CLVS1: variants seen among roughly 807,000 people sequenced by gnomAD.
The protein encoded by CLVS1 is clavesin-1.
In CLVS1, 10 loss-of-function variants were observed where a neutral mutation model predicts 33.1. The observed-to-expected ratio is 0.30, with a 90% CI of 0.19 to 0.51. The LOEUF (loss-of-function observed/expected upper bound fraction) is 0.51. Ranked by LOEUF, CLVS1 falls within the 20% of genes least tolerant of loss-of-function variation. The probability of loss-of-function intolerance (pLI) is 0.97; values close to 1 mark genes in which losing one functional copy is unlikely to be tolerated. For missense variants in CLVS1, 343 were observed against 433.4 expected, an observed-to-expected ratio of 0.79 and a Z score of 1.85; for synonymous variants, 163 against 166.1, an observed-to-expected ratio of 0.98 and a Z score of 0.14.
chr8:61,335,094 C>T (rs745497262), intron 2 of CLVS1, among the ~76,000 whole-genome samples: 8 of 152,122 alleles, frequency 5.3e-5, no homozygotes, highest in Non-Finnish European at 1.2e-4. Context: ...ATCAAGTGAG[C>T]CAGTTTATTG....
chr8:61,306,032 A>C (rs1198181781), intron 2 of CLVS1, among the ~76,000 whole-genome samples: 1 of 152,150 alleles, frequency 6.6e-6, no homozygotes, highest in South Asian at 2.1e-4. Context: ...AGAATGATTT[A>C]TATTCCTTCG....
intron 1 of CLVS1, among the ~76,000 whole-genome samples, chr8:61,089,739 C>T (rs968289018): frequency 6.6e-6 from 1 of 151,846 alleles, no homozygotes; most frequent in Non-Finnish European, 1.5e-5. Context: ...GGCAACATAG[C>T]AAGACTCTTA....
chr8:61,489,393 G>T lies in CLVS1; in HGVS notation c.978-10062G>T, dbSNP rs904341660. Among the ~76,000 whole-genome samples the T allele has an allele frequency of 3.3e-5, 5 of 152,122 alleles. No individual in the cohort carries two copies. The South Asian group carries it at 1.0e-3, about 32-fold the overall frequency. ...ACTGTAGAATCAGATCTGGGTTCCC[G>T]TTCTAGTTCCACAACTTACTGTGGA... On this transcript the variant is annotated intron_variant, in intron 5 of 5. Transcript: ENST00000325897.
chr8:61,137,414 C>T (rs913600972), intron 2 of CLVS1, among the ~76,000 whole-genome samples: 12 of 152,188 alleles, frequency 7.9e-5, no homozygotes, highest in Admixed American at 5.9e-4. Flanking sequence ...CCAAATCCAT[C>T]TGAGCACCTG....
chr8:61,325,216 A>C (rs1317408802), intron 2 of CLVS1, among the ~76,000 whole-genome samples: 1 of 151,950 alleles, frequency 6.6e-6, no homozygotes, highest in East Asian at 1.9e-4. Flanking sequence ...ACACACACAC[A>C]CACACATACA....
intron 2 of CLVS1, among the ~76,000 whole-genome samples, chr8:61,282,880 G>T (rs568589806): frequency 6.7e-4 from 102 of 152,268 alleles, no homozygotes; most frequent in African/African-American, 2.2e-3. Flanking sequence ...GATAGGAAAT[G>T]GAAACTATAG....
At chr8:61,464,294 T>C (rs1331120013) in intron 5 of CLVS1, among the ~76,000 whole-genome samples, 1 of 152,220 alleles carries the variant, frequency 6.6e-6, no homozygotes, top group Non-Finnish European at 1.5e-5. Flanking sequence ...TATATGTGAA[T>C]GAATTAATAT....
chr8:61,091,004 A>G lies in CLVS1; in HGVS notation c.-243+33774A>G, dbSNP rs1339807053. Reference sequence around the variant, plus strand: ...ATGACCCATGCCCCCCCACCAATACATTTGCACCCTAATCCCCAGAACCTG... The same window carrying G: ...ATGACCCATGCCCCCCCACCAATACGTTTGCACCCTAATCCCCAGAACCTG... On this transcript the variant is annotated intron_variant, in intron 1 of 2. Coordinates refer to the CLVS1 transcript ENST00000522621. 25 of 478,298 alleles carry G rather than the reference A, an allele frequency of 5.2e-5. No homozygotes were observed. The Admixed American group carries it at 5.5e-4, about 10-fold the overall frequency. 29.6% of individuals were successfully genotyped at this position (478,298 alleles called of 1,614,324 possible).
intron 5 of CLVS1, among the ~76,000 whole-genome samples, chr8:61,470,788 T>A (rs1003095955): frequency 6.6e-6 from 1 of 152,206 alleles, no homozygotes; most frequent in Non-Finnish European, 1.5e-5. Context: ...TCTTTTTAGG[T>A]TTAGGCAAAC....
intron 3 of CLVS1, among the ~76,000 whole-genome samples, chr8:61,409,151 CATATA>C (rs1217467437): frequency 6.6e-5 from 10 of 152,158 alleles, no homozygotes; most frequent in Non-Finnish European, 1.2e-4. Flanking sequence ...ATGACTGACA[CATATA>C]ATATATAAAC....
intron 5 of CLVS1, among the ~76,000 whole-genome samples, chr8:61,492,059 T>C (rs1012309245): frequency 1.2e-4 from 19 of 152,284 alleles, no homozygotes; most frequent in African/African-American, 3.9e-4. Context: ...ACTGATGTTG[T>C]CACCAAAACT....
the CLVS1 span, among the ~76,000 whole-genome samples, chr8:60,980,743 A>AC: frequency 6.6e-6 from 1 of 152,202 alleles, no homozygotes; most frequent in African/African-American, 2.4e-5. Flanking sequence ...CCGTGATTGC[A>AC]CCACTGCACT....
intron 2 of CLVS1, among the ~76,000 whole-genome samples, chr8:61,312,142 T>C (rs962424168): frequency 6.6e-6 from 1 of 152,192 alleles, no homozygotes; most frequent in African/African-American, 2.4e-5. Flanking sequence ...AGGAAGATAC[T>C]GTAGAGCCGA....
intron 1 of CLVS1, among the ~76,000 whole-genome samples, chr8:61,103,010 A>G (rs550956188): frequency 8.5e-5 from 13 of 152,292 alleles, no homozygotes; most frequent in South Asian, 2.1e-4. Flanking sequence ...AGTAGATCAT[A>G]GTGAAGGCTT....
the CLVS1 span, among the ~76,000 whole-genome samples, chr8:61,041,849 C>T: frequency 6.6e-6 from 1 of 151,984 alleles, no homozygotes; most frequent in Admixed American, 6.6e-5. Context: ...ATTTGGATAC[C>T]TTGTATTTCT....
At chr8:61,064,537 ATTT>A (rs35743247) in intron 1 of CLVS1, among the ~76,000 whole-genome samples, 88 of 88,656 alleles carry the variant, frequency 9.9e-4, no homozygotes, top group African/African-American at 3.1e-3. Flanking sequence ...TTCTTTGCCC[ATTT>A]TTTTTTTTTT....
intron 2 of CLVS1, among the ~76,000 whole-genome samples, chr8:61,312,201 G>T (rs919297723): frequency 2.6e-5 from 4 of 152,106 alleles, no homozygotes; most frequent in African/African-American, 9.7e-5. Flanking sequence ...CAATTCCTGT[G>T]CCCAGAGCCT....
chr8:61,390,524 T>C (rs1378605215), intron 3 of CLVS1, among the ~76,000 whole-genome samples: 1 of 152,316 alleles, frequency 6.6e-6, no homozygotes, highest in East Asian at 1.9e-4. Context: ...TATGAGAAAG[T>C]CTGTTTCCTG....
Position 61,128,599 on chromosome 8 carries a change from G to C in CLVS1, c.-242-3171G>C, listed in dbSNP as rs144677948. Among the ~76,000 whole-genome samples the C allele has an allele frequency of 1.3e-3, 203 of 152,352 alleles. 4 individuals are homozygous for C. The East Asian group carries it at 0.026, about 20-fold the overall frequency. On this transcript the variant is annotated intron_variant, in intron 1 of 2. Coordinates refer to the CLVS1 transcript ENST00000522621. ...GAGAGCAGGACACAGGGGCCACCAAGTGTGACATCAGTCCCTGTGCTCTTT... is the reference window on the plus strand; with the variant it reads ...GAGAGCAGGACACAGGGGCCACCAACTGTGACATCAGTCCCTGTGCTCTTT...
Sources: gnomAD v4.1 joint callset for allele counts (sites outside exome capture counted in the v4.1 genomes callset) on GRCh38, gnomAD v4.1.1 for gene constraint, MANE v1.5 for transcripts, NCBI Gene and HGNC (gene_info 2026-07-23, HGNC 2026-07-21) for gene names.